Variants in SCG5 observed in about 807,000 individuals in gnomAD.
SCG5 encodes secretogranin V, also known as neuroendocrine protein 7B2.
In SCG5, 18 loss-of-function variants were observed where a neutral mutation model predicts 25.7. That is an observed-to-expected ratio of 0.70 (90% CI 0.48 to 1.04). The LOEUF is 1.04. Ranked by LOEUF, SCG5 falls within the 50% of genes least tolerant of loss-of-function variation. SCG5 has a pLI of 0.00. For missense variants in SCG5, 206 were observed against 259.8 expected (o/e 0.79, Z 1.42); for synonymous variants, 101 against 91.7 (o/e 1.10, Z -0.58).
Position 32,663,073 on chromosome 15 carries a change from ATATAT to A in SCG5, c.227-16692_227-16688del, listed in dbSNP as rs1567076499. On this transcript the variant is annotated intron_variant, in intron 2 of 5. Coordinates refer to ENST00000300175, the MANE Select transcript of SCG5 (RefSeq NM_001144757.3). The stretch of plus-strand genomic sequence containing the variant: ...TATATATATATATATATATATATAT[ATATAT>A]AATATATAATATGTTATATATACAC... Among the ~76,000 whole-genome samples the A allele has an allele frequency of 2.1e-3, 113 of 54,588 alleles. 2 individuals carry two copies. The highest frequency in any genetic ancestry group is 3.4e-3 in the African/African-American group (57 of 16,954). 35.8% of individuals were successfully genotyped at this position (54,588 alleles called of 152,430 possible).
chr15:32,682,860 C>T (rs2140578255), intron 3 of SCG5, among the ~76,000 whole-genome samples: 1 of 152,284 alleles, frequency 6.6e-6, no homozygotes, highest in South Asian at 2.1e-4. Context: ...AGCAGCAGAG[C>T]TCAAAGAGTC....
At chr15:32,686,618 A>G (rs1286933062) in intron 4 of SCG5, among the ~76,000 whole-genome samples, 4 of 152,140 alleles carry the variant, frequency 2.6e-5, no homozygotes, top group East Asian at 3.8e-4. Context: ...TGAGGGAAAG[A>G]GTAGATTGCG....
chr15:32,650,925 C>T (rs753805688), intron 2 of SCG5, among the ~76,000 whole-genome samples: 11 of 152,192 alleles, frequency 7.2e-5, no homozygotes, highest in Admixed American at 2.0e-4. Flanking sequence ...CTGCCGGGCG[C>T]GATGGCTCAC....
intron 2 of SCG5, among the ~76,000 whole-genome samples, chr15:32,676,653 A>T (rs75076401): frequency 0.051 from 7,773 of 152,356 alleles, 262 homozygotes; most frequent in Non-Finnish European, 0.071. Flanking sequence ...TAGCTATCAC[A>T]AATGAGCTGG....
chr15:32,681,744 C>T (rs1232834048), intron 3 of SCG5, among the ~76,000 whole-genome samples: 2 of 152,054 alleles, frequency 1.3e-5, no homozygotes, highest in Non-Finnish European at 2.9e-5. Flanking sequence ...GCTACCACAC[C>T]GAGACTTTTT....
intron 2 of SCG5, among the ~76,000 whole-genome samples, chr15:32,679,274 A>T (rs1350668991): frequency 6.6e-6 from 1 of 151,116 alleles, no homozygotes; most frequent in Non-Finnish European, 1.5e-5. Flanking sequence ...GGCTCACTGC[A>T]ACCTCCACTT....
chr15:32,666,757 A>C (rs2054324324), intron 2 of SCG5, among the ~76,000 whole-genome samples: 1 of 152,206 alleles, frequency 6.6e-6, no homozygotes, highest in East Asian at 1.9e-4. Flanking sequence ...TTATCCTCAT[A>C]CCAACGGCTT....
chr15:32,643,507 A>T (rs1253052027), intron 1 of SCG5, 79 bp from the exon 2 acceptor site: 6 of 1,141,054 alleles, frequency 5.3e-6, no homozygotes, highest in Admixed American at 1.7e-5. Context: ...CACAACCTGG[A>T]GTGGTTGCAT....
intron 2 of SCG5, among the ~76,000 whole-genome samples, chr15:32,663,035 A>G (rs2054250552): frequency 5.5e-4 from 2 of 3,612 alleles, no homozygotes; most frequent in South Asian, 0.016. Flanking sequence ...AAAAAAGAAT[A>G]TATATATATA....
At chr15:32,653,595 G>A (rs1480222224) in intron 2 of SCG5, among the ~76,000 whole-genome samples, 1 of 152,164 alleles carries the variant, frequency 6.6e-6, no homozygotes, top group Non-Finnish European at 1.5e-5. Context: ...GTGGGGGCTG[G>A]CAAGTTGAAA....
intron 5 of SCG5, among the ~76,000 whole-genome samples, chr15:32,693,330 A>G (rs1175325424): frequency 2.0e-5 from 3 of 152,218 alleles, no homozygotes; most frequent in Non-Finnish European, 2.9e-5. Context: ...CATGCTATAA[A>G]GGATTTTACT....
intron 5 of SCG5, among the ~76,000 whole-genome samples, chr15:32,696,157 GC>G (rs1231678332): frequency 6.6e-6 from 1 of 150,932 alleles, no homozygotes; most frequent in Non-Finnish European, 1.5e-5. Context: ...TTGCTCTGTC[GC>G]CCAGGCTGGA....
At chr15:32,665,768 T>C (rs1298715231) in intron 2 of SCG5, 1 of 152,204 alleles carries the variant, frequency 6.6e-6, no homozygotes, top group African/African-American at 2.4e-5. Flanking sequence ...TAGTGCAGGA[T>C]GGAGGGCTCC....
intron 1 of SCG5, 33 bp from the exon 2 acceptor site, chr15:32,643,553 C>A (rs2053898349): frequency 6.7e-7 from 1 of 1,485,552 alleles, no homozygotes; most frequent in Non-Finnish European, 9.4e-7. Context: ...CCGATTGTAG[C>A]CTATCAGTAT....
intron 2 of SCG5, among the ~76,000 whole-genome samples, chr15:32,652,618 G>T (rs974820034): frequency 1.3e-5 from 2 of 152,162 alleles, no homozygotes; most frequent in Admixed American, 6.5e-5. Context: ...AGTGGCAAAG[G>T]TGTGCTGGGA....
intron 2 of SCG5, among the ~76,000 whole-genome samples, chr15:32,659,558 T>A (rs1185526870): frequency 2.0e-5 from 3 of 151,630 alleles, no homozygotes; most frequent in Admixed American, 6.5e-5. Context: ...TACTGGTCAG[T>A]TCCCCCAGTG....
intron 2 of SCG5, among the ~76,000 whole-genome samples, chr15:32,667,677 CT>C (rs11457121): frequency 1.4e-4 from 20 of 145,778 alleles, no homozygotes; most frequent in Admixed American, 6.8e-5. Flanking sequence ...TAGTTTTATT[CT>C]TTTTTTTTTT....
chr15:32,654,266 A>G (rs2054077887), intron 2 of SCG5, among the ~76,000 whole-genome samples: 1 of 152,230 alleles, frequency 6.6e-6, no homozygotes, highest in Non-Finnish European at 1.5e-5. Context: ...GTGCTGGCAG[A>G]TTCCGTGCCT....
chr15:32,696,247 A>T (rs1251111105), intron 5 of SCG5, among the ~76,000 whole-genome samples: 2 of 151,922 alleles, frequency 1.3e-5, no homozygotes, highest in Non-Finnish European at 2.9e-5. Context: ...CCTCCCAAGT[A>T]GCTGGGACTA....
Sources: gnomAD v4.1 joint callset for allele counts (sites outside exome capture counted in the v4.1 genomes callset) on GRCh38, gnomAD v4.1.1 for gene constraint, MANE v1.5 for transcripts, NCBI Gene and HGNC (gene_info 2026-07-23, HGNC 2026-07-21) for gene names.